Variants in SUPV3L1 observed in about 807,000 individuals in gnomAD.
SUPV3L1 encodes Suv3 like RNA helicase.
SUPV3L1 carries 35 observed loss-of-function variants against 70.0 expected under a neutral mutation model. The observed-to-expected ratio is 0.50, with a 90% CI of 0.38 to 0.66. The LOEUF (loss-of-function observed/expected upper bound fraction) is 0.66. SUPV3L1 is among the 30% of genes least tolerant of loss of function. The probability of loss-of-function intolerance (pLI) is 0.00; values close to 1 mark genes in which losing one functional copy is unlikely to be tolerated. For missense variants in SUPV3L1, 777 were observed against 961.5 expected (o/e 0.81, Z 2.54); for synonymous variants, 364 against 341.9 (o/e 1.06, Z -0.71).
At chr10:69,184,533 C>A (rs1307306454) in intron 1 of SUPV3L1, among the ~76,000 whole-genome samples, 2 of 151,828 alleles carry the variant, frequency 1.3e-5, no homozygotes, top group African/African-American at 4.8e-5. Flanking sequence ...GAAACACTGT[C>A]TCCAAGAAAA....
intron 4 of SUPV3L1, among the ~76,000 whole-genome samples, chr10:69,188,124 TC>T (rs1471166106): frequency 6.6e-6 from 1 of 152,172 alleles, no homozygotes; most frequent in Non-Finnish European, 1.5e-5. Flanking sequence ...TTTGAGACTT[TC>T]CACTGAAACC....
chr10:69,195,357 C>A (rs1170968035), intron 7 of SUPV3L1, 92 bp downstream of exon 7: 3 of 806,994 alleles, frequency 3.7e-6, no homozygotes, highest in South Asian at 3.8e-5. Context: ...CAAATAGAGT[C>A]ACCTAGAACC....
At chr10:69,182,404 T>C in intron 1 of SUPV3L1, 1 of 545,652 alleles carries the variant, frequency 1.8e-6, no homozygotes, top group Non-Finnish European at 2.3e-6. Flanking sequence ...AAACAATAGT[T>C]TACCCATTAA....
At chr10:69,192,783 G>T (rs1842432257) in intron 6 of SUPV3L1, 1 of 152,222 alleles carries the variant, frequency 6.6e-6, no homozygotes, top group Non-Finnish European at 1.5e-5. Context: ...ATGGCTTACT[G>T]CAGCCTCGAC....
At chr10:69,208,009 G>A in intron 14 of SUPV3L1, 68 bp downstream of exon 14, 1 of 1,560,042 alleles carries the variant, frequency 6.4e-7, no homozygotes, top group Non-Finnish European at 8.7e-7. Context: ...TTATGAATTT[G>A]TTTTTCTATT....
rs749490731 is a variant in SUPV3L1 at position 69,187,774 on chromosome 10, T to C, written c.572+18T>C. 6.6e-6 allele frequency: 10 copies of C among 1,519,346 alleles called. No homozygotes were observed. Among genetic ancestry groups the C allele is most frequent in the Non-Finnish European group, 9.0e-6 (10 of 1,116,342 alleles). 94.1% of individuals were successfully genotyped at this position (1,519,346 alleles called of 1,614,324 possible). A position where few individuals can be genotyped will look rare whatever the true frequency, so the allele number is the denominator to read the frequency against. ...CCTAACTGGTTAGTTTCTCCATTTGTGGATTTGAAATTTTCAGTTTCTAAT... is the reference window on the plus strand; with the variant it reads ...CCTAACTGGTTAGTTTCTCCATTTGCGGATTTGAAATTTTCAGTTTCTAAT... On this transcript the variant is annotated intron_variant, in intron 4 of 14. Transcript: ENST00000359655.
intron 1 of SUPV3L1, among the ~76,000 whole-genome samples, chr10:69,184,143 G>T (rs1358418980): frequency 6.6e-6 from 1 of 151,858 alleles, no homozygotes; most frequent in Non-Finnish European, 1.5e-5. Flanking sequence ...AGTTTGTATC[G>T]AGTTTATAGG....
intron 3 of SUPV3L1, 42 bp from the exon 4 acceptor site, chr10:69,187,600 T>C: frequency 1.5e-6 from 2 of 1,377,632 alleles, no homozygotes; most frequent in East Asian, 2.3e-5. Context: ...GTTACGAATT[T>C]TATGTAGATT....
At chr10:69,198,325 A>T (rs1842595004) in intron 8 of SUPV3L1, 47 bp from the exon 9 acceptor site, 1 of 1,532,734 alleles carries the variant, frequency 6.5e-7, no homozygotes, top group Non-Finnish European at 8.8e-7. Flanking sequence ...TAGTCACAAG[A>T]AGTTGAGTTG....
At chr10:69,206,733 G>A (rs1449653828) in intron 13 of SUPV3L1, among the ~76,000 whole-genome samples, 1 of 152,190 alleles carries the variant, frequency 6.6e-6, no homozygotes, top group Non-Finnish European at 1.5e-5. Flanking sequence ...GGACAGCCAG[G>A]TGCGGTGGCT....
At chr10:69,180,649 G>C (rs1472629748) in intron 1 of SUPV3L1, 87 bp downstream of exon 1, 1 of 1,531,266 alleles carries the variant, frequency 6.5e-7, no homozygotes, top group African/African-American at 1.4e-5. Context: ...CCTTCCCCTG[G>C]GGATCCGAGG....
chr10:69,201,338 A>G (rs1286064408), intron 11 of SUPV3L1, among the ~76,000 whole-genome samples: 1 of 151,958 alleles, frequency 6.6e-6, no homozygotes, highest in Non-Finnish European at 1.5e-5. Flanking sequence ...TCCTGTGGCC[A>G]TGTCCTAACG....
chr10:69,200,208 G>A lies in SUPV3L1; in HGVS notation c.1299-72G>A, dbSNP rs1048842408. Reference sequence around the variant, plus strand: ...AGGACCTAAGCTAGTATTGGAGTGAGCATTATGCAATGACCCAAGTATTGG... The same window carrying A: ...AGGACCTAAGCTAGTATTGGAGTGAACATTATGCAATGACCCAAGTATTGG... On this transcript the variant is annotated intron_variant, in intron 10 of 14. Transcript: ENST00000359655. 10 of 1,253,192 alleles carry A rather than the reference G, an allele frequency of 8.0e-6. No homozygotes were observed. In the African/African-American group the frequency reaches 1.5e-4, roughly 19 times the overall value. 77.6% of individuals were successfully genotyped at this position (1,253,192 alleles called of 1,614,324 possible).
In SUPV3L1 at chr10:69,203,011, AAGC is replaced by A. The variant is rs1244891142; in HGVS notation, c.1748_1750del (p.Gln583del). 1 of 1,613,782 alleles carries A rather than the reference AAGC, an allele frequency of 6.2e-7. No individual in the cohort carries two copies. Among genetic ancestry groups the A allele is most frequent in the Non-Finnish European group, 8.5e-7 (1 of 1,179,840 alleles). On this transcript the variant is annotated inframe_deletion, in exon 13 of 15. Coordinates refer to ENST00000359655, the MANE Select transcript of SUPV3L1 (RefSeq NM_003171.5). ...TTTCTGCACAGCTCCTATCAACAAGAAGCAGCCTTTTGTGTGTTCTTCACTGTT... is the reference window on the plus strand; with the variant it reads ...TTTCTGCACAGCTCCTATCAACAAGAAGCCTTTTGTGTGTTCTTCACTGTT...
At chr10:69,189,176 A>G in intron 4 of SUPV3L1, 91 bp from the exon 5 acceptor site, 1 of 1,347,402 alleles carries the variant, frequency 7.4e-7, no homozygotes, top group Non-Finnish European at 1.0e-6. Context: ...CATTAAGAGG[A>G]TATTTCATTT....
At chr10:69,207,609 C>T (rs1362380771) in intron 13 of SUPV3L1, among the ~76,000 whole-genome samples, 184 bp from the exon 14 acceptor site, 2 of 152,130 alleles carry the variant, frequency 1.3e-5, no homozygotes, top group African/African-American at 4.8e-5. Context: ...AGCCACTGTA[C>T]CTGGCCTTAT....
intron 8 of SUPV3L1, 51 bp from the exon 9 acceptor site, chr10:69,198,321 C>T: frequency 6.6e-7 from 1 of 1,522,350 alleles, no homozygotes; most frequent in Non-Finnish European, 8.9e-7. Context: ...TTACTAGTCA[C>T]AAGAAGTTGA....
chr10:69,208,827 G>C lies in SUPV3L1; in HGVS notation c.2153G>C (p.Ser718Thr), dbSNP rs756206584. The part of the protein sequence containing the change: ...RRTRGTKALG[S>T]KATEPPSPDA... ...ACACGCGGCACCAAAGCTCTAGGGA[G>C]TAAAGCTACTGAGCCACCCAGCCCC... The change falls in exon 15 of 15, where the codon AGT (serine) becomes ACT (threonine). Residue 718 changes from serine (S) to threonine (T), a missense_variant. Physicochemically the swap from Ser to Thr is moderately conservative, Grantham distance 58 (BLOSUM62 1). Transcript: ENST00000359655. The C allele has an allele frequency of 1.9e-6, 3 of 1,614,192 alleles. No individual in the cohort carries two copies. In the South Asian group the frequency reaches 3.3e-5, roughly 18 times the overall value.
At chr10:69,200,080 A>T (rs1253164482) in intron 10 of SUPV3L1, among the ~76,000 whole-genome samples, 200 bp from the exon 11 acceptor site, 1 of 151,496 alleles carries the variant, frequency 6.6e-6, no homozygotes, top group Non-Finnish European at 1.5e-5. Context: ...TCCTGGCCTC[A>T]AAACAATCCT....
Sources: gnomAD v4.1 joint callset for allele counts (sites outside exome capture counted in the v4.1 genomes callset) on GRCh38, gnomAD v4.1.1 for gene constraint, MANE v1.5 for transcripts, NCBI Gene and HGNC (gene_info 2026-07-23, HGNC 2026-07-21) for gene names.